Variants in TUSC3 observed in about 807,000 individuals in gnomAD.
The protein encoded by TUSC3 is tumor suppressor candidate 3.
Under a neutral mutation model 44.8 loss-of-function variants are expected in TUSC3, and 45 were observed. The observed-to-expected ratio is 1.00, with a 90% CI of 0.79 to 1.29. The LOEUF (loss-of-function observed/expected upper bound fraction) is 1.29, where lower values mean the gene tolerates loss of function less well. TUSC3 is among the 50% of genes most tolerant of loss of function. The pLI is 0.00. For synonymous variants in TUSC3, 212 were observed against 152.9 expected (o/e 1.39, Z -2.85); for missense variants, 519 against 437.9 (o/e 1.19, Z -1.65).
At chr8:15,531,165 C>G (rs1801443423) in intron 2 of TUSC3, among the ~76,000 whole-genome samples, 1 of 152,172 alleles carries the variant, frequency 6.6e-6, no homozygotes, top group Non-Finnish European at 1.5e-5. Flanking sequence ...CAAATAAAAT[C>G]CCAGGTTCAA....
At chr8:15,716,373 A>C (rs772415401) in intron 6 of TUSC3, among the ~76,000 whole-genome samples, 3 of 152,196 alleles carry the variant, frequency 2.0e-5, no homozygotes, top group Non-Finnish European at 4.4e-5. Flanking sequence ...CAGCTTAAAA[A>C]AAAAAGCCAG....
At chr8:15,817,269 G>A in the TUSC3 span, among the ~76,000 whole-genome samples, 13 of 151,956 alleles carry the variant, frequency 8.6e-5, no homozygotes, top group African/African-American at 3.1e-4. Flanking sequence ...CATGGTATGT[G>A]GTGGCTGTCC....
intron 6 of TUSC3, among the ~76,000 whole-genome samples, chr8:15,703,395 C>T (rs1419240868): frequency 6.6e-6 from 1 of 152,014 alleles, no homozygotes; most frequent in Non-Finnish European, 1.5e-5. Flanking sequence ...CTTTGGGTTG[C>T]AGTTGAGTTG....
At chr8:15,464,315 T>A (rs1040311125) in intron 1 of TUSC3, among the ~76,000 whole-genome samples, 1 of 152,198 alleles carries the variant, frequency 6.6e-6, no homozygotes, top group South Asian at 2.1e-4. Context: ...CCTGAGCACT[T>A]GATAATTCAG....
intron 1 of TUSC3, among the ~76,000 whole-genome samples, chr8:15,459,407 T>G (rs1430415068): frequency 6.6e-6 from 1 of 152,098 alleles, no homozygotes; most frequent in Non-Finnish European, 1.5e-5. Context: ...TTTTTACACT[T>G]TAACCAATAA....
intron 6 of TUSC3, among the ~76,000 whole-genome samples, chr8:15,695,349 C>T (rs1003031077): frequency 3.3e-5 from 5 of 152,310 alleles, no homozygotes; most frequent in African/African-American, 9.6e-5. Flanking sequence ...AGTTCCCCTG[C>T]ATTAACTCTC....
chr8:15,624,511 C>T (rs1202437459), intron 2 of TUSC3, among the ~76,000 whole-genome samples: 2 of 152,198 alleles, frequency 1.3e-5, no homozygotes, highest in Non-Finnish European at 2.9e-5. Context: ...CTGATAGATA[C>T]TGTAGTAATA....
chr8:15,432,819 A>G (rs894087342), intron 1 of TUSC3, among the ~76,000 whole-genome samples: 7 of 152,014 alleles, frequency 4.6e-5, no homozygotes, highest in Middle Eastern at 3.4e-3. Context: ...CTTCCCCCAC[A>G]TGGAAAACTA....
At chr8:15,520,377 C>G (rs1801281868) in intron 2 of TUSC3, among the ~76,000 whole-genome samples, 1 of 152,204 alleles carries the variant, frequency 6.6e-6, no homozygotes. Flanking sequence ...GATATCCAAC[C>G]TCTGAAAGCC....
chr8:15,733,600 T>G (rs1810812707), intron 7 of TUSC3: 1 of 185,534 alleles, frequency 5.4e-6, no homozygotes. Flanking sequence ...TTCATATAGA[T>G]CTTAGCAGTG....
chr8:15,479,757 C>T (rs117107767), intron 1 of TUSC3, among the ~76,000 whole-genome samples: 7,436 of 152,202 alleles, frequency 0.049, 245 homozygotes, highest in South Asian at 0.11. Context: ...ATCATCTTGG[C>T]TATATTGGCT....
At chr8:15,563,317 C>T (rs1802546539) in intron 1 of TUSC3, among the ~76,000 whole-genome samples, 1 of 151,994 alleles carries the variant, frequency 6.6e-6, no homozygotes, top group Non-Finnish European at 1.5e-5. Context: ...TGGTGTGAAC[C>T]TGTTAAGTAG....
chr8:15,604,146 T>C lies in TUSC3; in HGVS notation c.139-18934T>C, dbSNP rs374343734. ...TTGAATTAAAAGTTTCAGTATGATA[T>C]TGAGATAGAGTATTATGCAAATTAA... On this transcript the variant is annotated intron_variant, in intron 1 of 10. Coordinates refer to ENST00000503731, the MANE Select transcript of TUSC3 (RefSeq NM_006765.4). Among the ~76,000 whole-genome samples, 6 of 151,686 alleles carry C rather than the reference T, an allele frequency of 4.0e-5. No individual in the cohort carries two copies. In the East Asian group the frequency reaches 5.8e-4, roughly 15 times the overall value.
chr8:15,457,235 G>A (rs573211721), intron 1 of TUSC3, among the ~76,000 whole-genome samples: 4 of 151,770 alleles, frequency 2.6e-5, no homozygotes, highest in Non-Finnish European at 5.9e-5. Flanking sequence ...GTTAATGGGT[G>A]CAGCACACCA....
chr8:15,725,706 C>G (rs774651665), intron 6 of TUSC3, among the ~76,000 whole-genome samples: 2 of 152,084 alleles, frequency 1.3e-5, no homozygotes, highest in Non-Finnish European at 2.9e-5. Context: ...TCACTTCTCA[C>G]ATTTTATTAT....
intron 1 of TUSC3, among the ~76,000 whole-genome samples, chr8:15,608,501 T>G (rs1464597250): frequency 6.6e-6 from 1 of 152,122 alleles, no homozygotes; most frequent in Non-Finnish European, 1.5e-5. Context: ...TCGGAGATTT[T>G]TACCTTTGTA....
intron 1 of TUSC3, among the ~76,000 whole-genome samples, chr8:15,458,593 G>T (rs1800295884): frequency 6.6e-6 from 1 of 152,104 alleles, no homozygotes; most frequent in South Asian, 2.1e-4. Context: ...GCTATGTATG[G>T]ACCAACGATG....
the TUSC3 span, among the ~76,000 whole-genome samples, chr8:15,837,422 T>C: frequency 1.3e-5 from 2 of 152,176 alleles, no homozygotes; most frequent in African/African-American, 4.8e-5. Flanking sequence ...TATACGTACA[T>C]TGGATCTCAT....
chr8:15,840,273 T>C, the TUSC3 span, among the ~76,000 whole-genome samples: 1 of 152,150 alleles, frequency 6.6e-6, no homozygotes, highest in Non-Finnish European at 1.5e-5. Flanking sequence ...ACATGCCTAA[T>C]GTAAGTGATG....
Sources: allele counts gnomAD v4.1 joint callset (sites outside exome capture counted in the v4.1 genomes callset), GRCh38; gene constraint gnomAD v4.1.1; transcripts MANE v1.5; gene names NCBI Gene and HGNC (gene_info 2026-07-23, HGNC 2026-07-21).